Variants in DCC observed in about 807,000 individuals in gnomAD.
The protein encoded by DCC is DCC netrin 1 receptor.
Under a neutral mutation model 172.5 loss-of-function variants are expected in DCC, and 58 were observed. The ratio of observed to expected loss-of-function variants is 0.34; its 90% CI spans 0.27 to 0.42. DCC has a LOEUF of 0.42. Ranked by LOEUF, DCC falls within the 10% of genes least tolerant of loss-of-function variation. The probability of loss-of-function intolerance (pLI) is 1.00; values close to 1 mark genes in which losing one functional copy is unlikely to be tolerated. For missense variants in DCC, 1,740 were observed against 1,791.0 expected, an observed-to-expected ratio of 0.97 and a Z score of 0.51; for synonymous variants, 709 against 644.5, an observed-to-expected ratio of 1.10 and a Z score of -1.52.
intron 2 of DCC, among the ~76,000 whole-genome samples, chr18:52,811,557 A>G (rs1390417969): frequency 6.6e-6 from 1 of 152,116 alleles, no homozygotes; most frequent in Non-Finnish European, 1.5e-5. Flanking sequence ...GATTGAGTAA[A>G]ATTTTCATAC....
At position 53,015,375 on chromosome 18, in the gene DCC, A is replaced by G. The variant is rs78681520; in HGVS notation, c.986-47930A>G. On this transcript the variant is annotated intron_variant, in intron 5 of 28. Transcript: ENST00000442544. ...TTAATTTGTATGACTCTGATTAATCATAGTCACTCTTAAATACAAATGCAA... is the reference window on the plus strand; with the variant it reads ...TTAATTTGTATGACTCTGATTAATCGTAGTCACTCTTAAATACAAATGCAA... 1.3e-5 allele frequency among the ~76,000 whole-genome samples: 2 copies of G among 152,320 alleles called. 1 individual carries two copies. The highest frequency in any genetic ancestry group is 3.9e-4 in the East Asian group (2 of 5,180).
intron 2 of DCC, among the ~76,000 whole-genome samples, chr18:52,774,105 A>G (rs1005767694): frequency 2.0e-5 from 3 of 152,236 alleles, no homozygotes; most frequent in African/African-American, 7.2e-5. Flanking sequence ...GCGTGGAGCC[A>G]TGGCTGTCAG....
chr18:52,553,294 A>G (rs1220754742), intron 1 of DCC, among the ~76,000 whole-genome samples: 1 of 152,048 alleles, frequency 6.6e-6, no homozygotes, highest in Non-Finnish European at 1.5e-5. Flanking sequence ...GAGAGACAGC[A>G]GATCACTCAC....
intron 15 of DCC, 144 bp downstream of exon 15, chr18:53,340,051 C>A: frequency 1.9e-6 from 1 of 536,266 alleles, no homozygotes; most frequent in Non-Finnish European, 3.3e-6. Flanking sequence ...TCTATCTACA[C>A]ACACACACAC....
At chr18:52,864,759 T>C (rs970573410) in intron 2 of DCC, among the ~76,000 whole-genome samples, 8 of 152,094 alleles carry the variant, frequency 5.3e-5, no homozygotes, top group African/African-American at 1.9e-4. Context: ...GTTCAACTTA[T>C]GAGTGAGAAC....
intron 1 of DCC, among the ~76,000 whole-genome samples, chr18:52,515,479 C>G (rs922128558): frequency 1.3e-5 from 2 of 150,614 alleles, no homozygotes; most frequent in Non-Finnish European, 3.0e-5. Flanking sequence ...CAGTGGCAGG[C>G]GCCTGTAGTC....
At chr18:52,804,757 T>A (rs1231766102) in intron 2 of DCC, among the ~76,000 whole-genome samples, 6 of 152,166 alleles carry the variant, frequency 3.9e-5, no homozygotes, top group Non-Finnish European at 8.8e-5. Context: ...CTAATTTTTG[T>A]ATTTTTAGTA....
intron 1 of DCC, among the ~76,000 whole-genome samples, chr18:52,746,281 C>A (rs1481999541): frequency 6.6e-6 from 1 of 152,094 alleles, no homozygotes; most frequent in Non-Finnish European, 1.5e-5. Context: ...ACTCTAAGCA[C>A]CCCAAAATGA....
At chr18:52,388,211 CTGCTAA>C (rs1555676919) in intron 1 of DCC, among the ~76,000 whole-genome samples, 1 of 150,934 alleles carries the variant, frequency 6.6e-6, no homozygotes, top group Non-Finnish European at 1.5e-5. Context: ...TTTTTTTTTT[CTGCTAA>C]TTGAGGCATT....
chr18:52,887,015 C>T lies in DCC; in HGVS notation c.413-19029C>T, dbSNP rs561535250. Among the ~76,000 whole-genome samples, 9 of 152,254 alleles carry T rather than the reference C, an allele frequency of 5.9e-5. No individual in the cohort carries two copies. In the South Asian group the frequency reaches 8.3e-4, roughly 14 times the overall value. Reference sequence around the variant, plus strand: ...ACTGCTTCAAGATGATAGCAGTGCCCTCCTAGGCTCTTCTAGGGTAATCTG... The same window carrying T: ...ACTGCTTCAAGATGATAGCAGTGCCTTCCTAGGCTCTTCTAGGGTAATCTG... On this transcript the variant is annotated intron_variant, in intron 2 of 28. Transcript: ENST00000442544.
chr18:53,111,128 T>C (rs934129008), intron 7 of DCC, among the ~76,000 whole-genome samples: 2 of 150,690 alleles, frequency 1.3e-5, no homozygotes, highest in Non-Finnish European at 3.0e-5. Flanking sequence ...AAATCATCAT[T>C]GTCAGTAAGC....
intron 25 of DCC, among the ~76,000 whole-genome samples, chr18:53,472,200 C>T (rs776713290): frequency 1.3e-5 from 2 of 152,090 alleles, no homozygotes; most frequent in African/African-American, 2.4e-5. Context: ...TATTGTTATG[C>T]GTCTCATTGT....
intron 6 of DCC, 22 bp downstream of exon 6, chr18:53,063,481 T>G: frequency 6.5e-7 from 1 of 1,535,264 alleles, no homozygotes; most frequent in Non-Finnish European, 9.0e-7. Context: ...GTTTCATATT[T>G]GTTTTATAAT....
intron 9 of DCC, among the ~76,000 whole-genome samples, chr18:53,201,245 T>A (rs1331705688): frequency 1.3e-5 from 2 of 151,970 alleles, no homozygotes; most frequent in African/African-American, 4.8e-5. Flanking sequence ...GCCCTTGGAG[T>A]TGGGTCATTT....
chr18:52,751,811 T>C (rs111948115), intron 1 of DCC, among the ~76,000 whole-genome samples: 239 of 152,260 alleles, frequency 1.6e-3, no homozygotes, highest in African/African-American at 5.4e-3. Flanking sequence ...AGGATTTATA[T>C]GAATTTGTAA....
chr18:52,404,764 A>C, intron 1 of DCC, among the ~76,000 whole-genome samples: 1 of 149,294 alleles, frequency 6.7e-6, no homozygotes, highest in Admixed American at 6.6e-5. Flanking sequence ...TGCACCCACT[A>C]ACTCGTCATC....
chr18:53,309,359 A>G (rs966326313), intron 13 of DCC, among the ~76,000 whole-genome samples: 1 of 152,144 alleles, frequency 6.6e-6, no homozygotes, highest in Non-Finnish European at 1.5e-5. Context: ...TCCAATTAGG[A>G]CATTAGAGAT....
At chr18:52,983,586 C>G (rs552079697) in intron 5 of DCC, among the ~76,000 whole-genome samples, 1 of 152,114 alleles carries the variant, frequency 6.6e-6, no homozygotes, top group Non-Finnish European at 1.5e-5. Context: ...GAAATGCACC[C>G]GTCACCTTCT....
intron 1 of DCC, among the ~76,000 whole-genome samples, chr18:52,373,206 A>T (rs1242802080): frequency 6.6e-6 from 1 of 152,146 alleles, no homozygotes; most frequent in Non-Finnish European, 1.5e-5. Context: ...TAATGGCCAT[A>T]CAGTTTTTTT....
Sources: allele counts gnomAD v4.1 joint callset (sites outside exome capture counted in the v4.1 genomes callset), GRCh38; gene constraint gnomAD v4.1.1; transcripts MANE v1.5; gene names NCBI Gene and HGNC (gene_info 2026-07-23, HGNC 2026-07-21).